The following GUK1 variants were observed in gnomAD, a reference collection of about 807,000 sequenced individuals.
GUK1 encodes the protein guanylate kinase.
GUK1 carries 18 observed loss-of-function variants against 25.2 expected under a neutral mutation model. The observed-to-expected ratio is 0.71, with a 90% confidence interval of 0.49 to 1.06. The LOEUF (loss-of-function observed/expected upper bound fraction) is 1.06, where lower values mean the gene tolerates loss of function less well. GUK1 is among the 50% of genes least tolerant of loss of function. GUK1 has a pLI of 0.00. For synonymous variants in GUK1, 105 were observed against 117.6 expected (o/e 0.89, Z 0.69); for missense variants, 261 against 276.7 (o/e 0.94, Z 0.40).
intron 2 of GUK1, among the ~76,000 whole-genome samples, chr1:228,142,324 G>A (rs575560626): frequency 2.0e-5 from 3 of 152,198 alleles, no homozygotes; most frequent in African/African-American, 7.2e-5. Context: ...TTGGCAATTG[G>A]TGTGTCATGT....
At chr1:228,147,591 C>A in intron 6 of GUK1, 24 bp from the exon 6 acceptor site, 2 of 1,613,074 alleles carry the variant, frequency 1.2e-6, no homozygotes, top group South Asian at 1.1e-5. Context: ...GCATGCCAGG[C>A]TCTGATTGCC....
chr1:228,141,716 G>A lies in GUK1; in HGVS notation c.-3+428G>A, dbSNP rs747341023. 2.4e-5 allele frequency: 31 copies of A among 1,317,194 alleles called. No individual in the cohort carries two copies. In the African/African-American group the frequency reaches 3.8e-4, roughly 16 times the overall value. The allele number at this position is 1,317,194 out of a possible 1,614,324, so 81.6% of individuals were successfully genotyped here. On this transcript the variant is annotated intron_variant, in intron 2 of 8. Coordinates refer to ENST00000312726, the MANE Select transcript of GUK1 (RefSeq NM_000858.7). ...GAAAGCGGCTGCTGGGGCAGCATGGGAGCCCAGTCCAGGGAGCGTTCTGGC... is the reference window on the plus strand; with the variant it reads ...GAAAGCGGCTGCTGGGGCAGCATGGAAGCCCAGTCCAGGGAGCGTTCTGGC...
chr1:228,148,638 C>T (rs767385637), intron 8 of GUK1, 27 bp from the exon 8 acceptor site: 4 of 1,580,856 alleles, frequency 2.5e-6, no homozygotes, highest in South Asian at 2.2e-5. Flanking sequence ...ACCAGCCCTC[C>T]CAACTCCCTT....
chr1:228,148,398 T>C lies in GUK1; in HGVS notation c.503T>C (p.Val168Ala). 1 of 1,555,902 alleles carries C rather than the reference T, an allele frequency of 6.4e-7. No individual in the cohort carries two copies. The change falls in exon 8 of 9, where the codon GTC becomes GCC. Residue 168 changes from valine to alanine, a missense_variant. Physicochemically the swap from Val to Ala is moderately conservative, Grantham distance 64. Transcript: ENST00000312726. ...AAGGAGCCCGGCCTGTTTGATGTGG[T>C]CATCATTAACGACAGCCTGGACCAG... is the stretch of plus-strand genomic sequence containing the variant.
At position 228,147,424 on chromosome 1, in the gene GUK1, C is replaced by T. The variant is rs1803695; in HGVS notation, c.270C>T (p.Ala90=). The T allele has an allele frequency of 0.048, 77,366 of 1,611,722 alleles. 2,500 individuals are homozygous for T. The highest frequency in any genetic ancestry group is 0.19 in the East Asian group (8,325 of 44,856). ...TCCCCAGCAAGGTGGCGGTGCAGGC[C>T]GTGCAGGCCATGAACCGCATCTGTG... The change falls in exon 6 of 9, where the codon GCC becomes GCT. Residue 90 remains alanine, a synonymous_variant. Transcript: ENST00000312726.
At position 228,145,365 on chromosome 1, in the gene GUK1, C is replaced by T. The variant is rs1000698950; in HGVS notation, c.-2-146C>T. 1.4e-5 allele frequency: 11 copies of T among 808,670 alleles called. No individual in the cohort carries two copies. In the African/African-American group the frequency reaches 1.8e-4, roughly 13 times the overall value. The allele number at this position is 808,670 out of a possible 1,614,324, so 50.1% of individuals were successfully genotyped here. ...ACGTGGCAGAGCTCAGGGGGAAGAA[C>T]ACCCAGGCTCTCAGGAGACTCTCAG... is the stretch of plus-strand genomic sequence containing the variant. On this transcript the variant is annotated intron_variant, in intron 2 of 8. Coordinates refer to ENST00000312726, the MANE Select transcript of GUK1 (RefSeq NM_000858.7).
intron 2 of GUK1, chr1:228,141,428 C>T: frequency 3.2e-6 from 1 of 317,058 alleles, no homozygotes; most frequent in Non-Finnish European, 4.6e-6. Context: ...AGAAACCCTG[C>T]AGCCAAGAGC....
chr1:228,143,154 G>A (rs1055673170), intron 2 of GUK1, among the ~76,000 whole-genome samples: 9 of 152,152 alleles, frequency 5.9e-5, no homozygotes, highest in South Asian at 2.1e-4. Flanking sequence ...TTATAGTCAC[G>A]TAGCATCTAG....
chr1:228,141,041 T>C, intron 1 of GUK1: 1 of 550,660 alleles, frequency 1.8e-6, no homozygotes, highest in Non-Finnish European at 2.3e-6. Context: ...CGGTTTCGTC[T>C]TTGCATGAAA....
intron 5 of GUK1, 61 bp downstream of exon 4, chr1:228,146,999 T>C (rs2034417651): frequency 9.2e-7 from 1 of 1,086,942 alleles, no homozygotes; most frequent in East Asian, 2.4e-5. Context: ...GGGATCCAGG[T>C]AGTGCCTGCT....
At position 228,146,070 on chromosome 1, in the gene GUK1, G is replaced by A. The variant is rs773838989; in HGVS notation, c.154+3G>A. ...GCCCGGCGAGGAGAACGGCAAAGGT[G>A]AGTGGGGTGGGGCCCTATGGCTGGA... is the stretch of plus-strand genomic sequence containing the variant. On this transcript the variant is annotated splice_donor_region_variant and intron_variant, in intron 4 of 8. Coordinates refer to ENST00000312726, the MANE Select transcript of GUK1 (RefSeq NM_000858.7). 4.4e-6 allele frequency: 7 copies of A among 1,605,202 alleles called. No individual in the cohort carries two copies. The highest frequency in any genetic ancestry group is 6.0e-6 in the Non-Finnish European group (7 of 1,172,096).
chr1:228,146,949 C>A lies in GUK1; in HGVS notation c.251+11C>A. On this transcript the variant is annotated intron_variant, in intron 5 of 8. Coordinates refer to ENST00000312726, the MANE Select transcript of GUK1 (RefSeq NM_000858.7). ...CCTGTATGGCACGAGGTGGGCCATG[C>A]GTGGGTGTGGGTGGGCTCCCAGGGT... The A allele has an allele frequency of 1.3e-6, 2 of 1,587,478 alleles. No individual in the cohort carries two copies. Among genetic ancestry groups the A allele is most frequent in the Middle Eastern group, 1.7e-4 (1 of 5,994 alleles).
At chr1:228,143,234 G>A (rs1344905989) in intron 2 of GUK1, among the ~76,000 whole-genome samples, 1 of 152,082 alleles carries the variant, frequency 6.6e-6, no homozygotes, top group Non-Finnish European at 1.5e-5. Flanking sequence ...GGGCAGCCCT[G>A]TCAGGCCCAC....
At chr1:228,147,021 A>G in intron 5 of GUK1, 83 bp downstream of exon 4, 6 of 906,530 alleles carry the variant, frequency 6.6e-6, no homozygotes, top group Non-Finnish European at 9.3e-6. Context: ...CCTGCCCGCC[A>G]TCCACACCAC....
intron 3 of GUK1, 192 bp from the exon 3 acceptor site, chr1:228,145,834 G>A (rs976896449): frequency 7.9e-5 from 56 of 706,982 alleles, no homozygotes; most frequent in Non-Finnish European, 1.2e-4. Context: ...GGTCTGTTGA[G>A]TACTGATAAC....
In GUK1 at chr1:228,147,453, T is replaced by A. The variant is rs1402675589; in HGVS notation, c.299T>A (p.Leu100Gln). 6.2e-7 allele frequency: 1 copy of A among 1,612,592 alleles called. No homozygotes were observed. The highest frequency in any genetic ancestry group is 1.1e-5 in the South Asian group (1 of 91,074). Residue 100 changes from leucine to glutamine, a missense_variant, in exon 6 of 9, where the codon CTG (leucine) becomes CAG (glutamine). Physicochemically the swap from Leu to Gln is moderately radical, Grantham distance 113 (BLOSUM62 -2). Transcript: ENST00000312726. ...CAGGCCATGAACCGCATCTGTGTGC[T>A]GGACGTGGACCTGCAGGGTGTGCGG...
intron 2 of GUK1, chr1:228,144,740 C>T (rs2034272852): frequency 1.0e-6 from 1 of 984,886 alleles, no homozygotes; most frequent in Non-Finnish European, 1.2e-6. Context: ...AGAGGCTGCA[C>T]CTCAGCAAAC....
chr1:228,145,734 G>A, intron 3 of GUK1, 110 bp downstream of exon 2: 1 of 1,331,398 alleles, frequency 7.5e-7, no homozygotes, highest in South Asian at 1.4e-5. Flanking sequence ...CCACCCTGCA[G>A]ACTGTCCGAA....
chr1:228,140,483 C>T, intron 1 of GUK1, 120 bp downstream of exon 1: 1 of 719,544 alleles, frequency 1.4e-6, no homozygotes, highest in Admixed American at 3.4e-5. Context: ...ACGCCCTGTG[C>T]CGCATTCAAC....
Sources: allele counts gnomAD v4.1 joint callset (sites outside exome capture counted in the v4.1 genomes callset), GRCh38; gene constraint gnomAD v4.1.1; transcripts MANE v1.5; gene names NCBI Gene and HGNC (gene_info 2026-07-23, HGNC 2026-07-21).